The following PUM3 variants were observed in gnomAD, a reference collection of about 807,000 sequenced individuals.
PUM3 encodes the protein pumilio homolog 3.
A neutral mutation model predicts 84.0 loss-of-function variants in PUM3; 91 were observed. The ratio of observed to expected loss-of-function variants is 1.08; its 90% CI spans 0.91 to 1.29. The LOEUF (loss-of-function observed/expected upper bound fraction) is 1.29. Among genes scored for constraint, PUM3 ranks in the 50% most tolerant of loss-of-function variants. PUM3 has a pLI of 0.00. For missense variants in PUM3, 1,067 were observed against 767.5 expected, an observed-to-expected ratio of 1.39 and a Z score of -4.61; for synonymous variants, 321 against 266.7, an observed-to-expected ratio of 1.20 and a Z score of -1.98.
chr9:2,823,835 C>G lies in PUM3; in HGVS notation c.1135-1G>C, dbSNP rs1231400710. On this transcript the variant is annotated splice_acceptor_variant, in intron 11 of 17. Transcript: ENST00000397885. LOFTEE classifies it high-confidence loss of function. ...TTGTTTTCACAATCACTTTCCTGTC[C>G]TTAAAAAGGAAAGATTGTCTCACTG... 1.3e-6 allele frequency: 2 copies of G among 1,516,268 alleles called. No homozygotes were observed. Among genetic ancestry groups the G allele is most frequent in the Non-Finnish European group, 1.8e-6 (2 of 1,112,880 alleles). The allele number at this position is 1,516,268 out of a possible 1,614,324, so 93.9% of individuals were successfully genotyped here.
In PUM3 at chr9:2,828,798, T is replaced by A; in HGVS notation, c.853-20A>T. 1 of 1,269,742 alleles carries A rather than the reference T, an allele frequency of 7.9e-7. No individual in the cohort carries two copies. The highest frequency in any genetic ancestry group is 1.2e-5 in the South Asian group (1 of 82,148). The allele number at this position is 1,269,742 out of a possible 1,614,324, so 78.7% of individuals were successfully genotyped here. Reference sequence around the variant, plus strand: ...TGCTGACTGCAACAAAACAAAACAATCAAACCCCTCTAAATTTAATCAATT... The same window carrying A: ...TGCTGACTGCAACAAAACAAAACAAACAAACCCCTCTAAATTTAATCAATT... On this transcript the variant is annotated intron_variant, in intron 8 of 17. Coordinates refer to ENST00000397885, the MANE Select transcript of PUM3 (RefSeq NM_014878.5).
chr9:2,815,729 T>A (rs1024137534), intron 13 of PUM3, among the ~76,000 whole-genome samples: 1 of 152,196 alleles, frequency 6.6e-6, no homozygotes, highest in Admixed American at 6.6e-5. Flanking sequence ...TAAAGCTAGC[T>A]GAGTCATGAG....
chr9:2,841,255 A>G (rs1226380098), intron 1 of PUM3, among the ~76,000 whole-genome samples: 2 of 152,222 alleles, frequency 1.3e-5, no homozygotes, highest in African/African-American at 4.8e-5. Context: ...GTTGACGTAC[A>G]ATTCTTTTTT....
At chr9:2,806,266 T>A (rs912766084) in intron 17 of PUM3, among the ~76,000 whole-genome samples, 1 of 152,226 alleles carries the variant, frequency 6.6e-6, no homozygotes, top group African/African-American at 2.4e-5. Context: ...AAAAAGTTCA[T>A]GTATCAGCTA....
At chr9:2,840,596 G>C (rs1327874433) in intron 1 of PUM3, among the ~76,000 whole-genome samples, 3 of 152,032 alleles carry the variant, frequency 2.0e-5, no homozygotes, top group African/African-American at 4.8e-5. Context: ...CTATTTACTT[G>C]TATCATATAG....
rs144571188 is a variant in PUM3, at chr9:2,809,255, A to T, written c.1723+1089T>A. Among the ~76,000 whole-genome samples, 1,330 of 152,308 alleles carry T rather than the reference A, an allele frequency of 8.7e-3. 10 individuals carry two copies. Among genetic ancestry groups the T allele is most frequent in the Non-Finnish European group, 0.011 (776 of 68,026 alleles). ...AGGAGGACAAACTCATTTGGTGCTG[A>T]ATACGACAAGACAAACACATCAGAC... On this transcript the variant is annotated intron_variant, in intron 16 of 17. Coordinates refer to ENST00000397885, the MANE Select transcript of PUM3 (RefSeq NM_014878.5).
chr9:2,819,604 G>C (rs1024367644), intron 13 of PUM3, among the ~76,000 whole-genome samples: 1 of 152,130 alleles, frequency 6.6e-6, no homozygotes, highest in Non-Finnish European at 1.5e-5. Context: ...CACAGGGAGA[G>C]AGATAATTTA....
chr9:2,818,289 A>C (rs750822575), intron 13 of PUM3, among the ~76,000 whole-genome samples: 8 of 152,250 alleles, frequency 5.3e-5, no homozygotes, highest in African/African-American at 9.6e-5. Flanking sequence ...CAGGCCATTC[A>C]GGGAAAGCTG....
At chr9:2,823,748 A>C in intron 12 of PUM3, 33 bp downstream of exon 12, 3 of 1,028,160 alleles carry the variant, frequency 2.9e-6, no homozygotes, top group Non-Finnish European at 4.2e-6. Context: ...TACTATCAAA[A>C]ATAATTAGAA....
rs752187389 is a variant in PUM3 at position 2,837,161 on chromosome 9, T to TCTG, written c.304+18_304+19insCAG. On this transcript the variant is annotated intron_variant, in intron 3 of 17. Transcript: ENST00000397885. ...AATCGTTCAGGCACTAGTTCAGGCA[T>TCTG]GAACGAACCAGTACTTACCATCGCT... 7.2e-5 allele frequency: 116 copies of TCTG among 1,606,216 alleles called. No homozygotes were observed. The highest frequency in any genetic ancestry group is 2.0e-5 in the Non-Finnish European group (24 of 1,173,140).
intron 17 of PUM3, among the ~76,000 whole-genome samples, chr9:2,807,476 G>A (rs1297620723): frequency 4.0e-5 from 6 of 149,602 alleles, no homozygotes; most frequent in African/African-American, 1.5e-4. Flanking sequence ...GGTGGCATGC[G>A]TCTGTAGTCT....
intron 1 of PUM3, among the ~76,000 whole-genome samples, chr9:2,839,165 G>C (rs893935433): frequency 2.0e-5 from 3 of 152,156 alleles, no homozygotes; most frequent in Non-Finnish European, 2.9e-5. Flanking sequence ...ATAGGCTACT[G>C]AGACACCATG....
chr9:2,838,258 A>T lies in PUM3; in HGVS notation c.82+168T>A, dbSNP rs180813590. ...TCCTCAATCATTCTTGCAATTTCTTAAGTGTCTAAATGTCATGAGCAACAT... is the reference window on the plus strand; with the variant it reads ...TCCTCAATCATTCTTGCAATTTCTTTAGTGTCTAAATGTCATGAGCAACAT... On this transcript the variant is annotated intron_variant, in intron 2 of 17. Transcript: ENST00000397885. Among the ~76,000 whole-genome samples, 285 of 152,316 alleles carry T rather than the reference A, an allele frequency of 1.9e-3. 1 individual carries two copies. Among genetic ancestry groups the T allele is most frequent in the South Asian group, 3.7e-3 (18 of 4,824 alleles).
intron 17 of PUM3, among the ~76,000 whole-genome samples, chr9:2,807,475 C>A (rs947831829): frequency 6.6e-6 from 1 of 150,926 alleles, no homozygotes; most frequent in Admixed American, 6.6e-5. Context: ...TGGTGGCATG[C>A]GTCTGTAGTC....
intron 12 of PUM3, among the ~76,000 whole-genome samples, chr9:2,822,061 C>G (rs1479813483): frequency 2.0e-4 from 31 of 152,144 alleles, no homozygotes; most frequent in African/African-American, 4.8e-4. Flanking sequence ...AACTCGGACA[C>G]ACATAAGCAT....
chr9:2,832,354 T>A (rs1309535189), intron 5 of PUM3, among the ~76,000 whole-genome samples: 1 of 152,184 alleles, frequency 6.6e-6, no homozygotes, highest in Non-Finnish European at 1.5e-5. Flanking sequence ...ACTCGCTATC[T>A]CTATTACCCC....
intron 5 of PUM3, 25 bp from the exon 6 acceptor site, chr9:2,831,369 C>A: frequency 7.0e-7 from 1 of 1,429,620 alleles, no homozygotes; most frequent in Non-Finnish European, 9.8e-7. Context: ...TTGAGTTAGA[C>A]TAATTCTCTT....
intron 17 of PUM3, among the ~76,000 whole-genome samples, chr9:2,804,798 C>G (rs970030883): frequency 6.6e-6 from 1 of 152,166 alleles, no homozygotes; most frequent in Non-Finnish European, 1.5e-5. Flanking sequence ...ATCTTCCCTT[C>G]CCCATCTCAG....
intron 9 of PUM3, 134 bp downstream of exon 9, chr9:2,828,541 A>G: frequency 1.7e-6 from 1 of 587,574 alleles, no homozygotes; most frequent in Admixed American, 3.2e-5. Flanking sequence ...TCAAACCAAC[A>G]CTTTTGCACT....
Sources: allele counts gnomAD v4.1 joint callset (sites outside exome capture counted in the v4.1 genomes callset), GRCh38; gene constraint gnomAD v4.1.1; transcripts MANE v1.5; gene names NCBI Gene and HGNC (gene_info 2026-07-23, HGNC 2026-07-21).